The following TNS1 variants were observed in gnomAD, a reference collection of about 807,000 sequenced individuals.
TNS1 encodes tensin 1, also known as tensin-1.
Under a neutral mutation model 168.6 loss-of-function variants are expected in TNS1, and 62 were observed. The ratio of observed to expected loss-of-function variants is 0.37; its 90% CI spans 0.30 to 0.45. The LOEUF (loss-of-function observed/expected upper bound fraction) is 0.45, where lower values mean the gene tolerates loss of function less well. Among genes scored for constraint, TNS1 ranks in the 20% least tolerant of loss-of-function variants. The pLI is 1.00. For synonymous variants in TNS1, 934 were observed against 933.2 expected, an observed-to-expected ratio of 1.00 and a Z score of -0.02; for missense variants, 2,240 against 2,339.4, an observed-to-expected ratio of 0.96 and a Z score of 0.88.
chr2:217,926,098 T>C (rs1164058327), intron 3 of TNS1, among the ~76,000 whole-genome samples: 2 of 152,056 alleles, frequency 1.3e-5, no homozygotes, highest in Non-Finnish European at 2.9e-5. Flanking sequence ...GGCACAGAAA[T>C]ATACCAGGGA....
chr2:217,843,533 A>G (rs578110510), intron 19 of TNS1, among the ~76,000 whole-genome samples: 1 of 152,038 alleles, frequency 6.6e-6, no homozygotes, highest in African/African-American at 2.4e-5. Context: ...TTCTCCACTC[A>G]TCCTCAATCC....
rs1200122497 is a variant in TNS1 at position 217,802,814 on chromosome 2, T to G, written c.*1645A>C. On this transcript the variant is annotated 3_prime_UTR_variant, in exon 33 of 33. Transcript: ENST00000682258. The stretch of plus-strand genomic sequence containing the variant: ...AACCTTTTCTTACATTTTATTAGCT[T>G]ACAGATTCTGTCAGTATGTCTCATG... 1 of 152,706 alleles carries G rather than the reference T, an allele frequency of 6.5e-6. No individual in the cohort carries two copies. The highest frequency in any genetic ancestry group is 1.5e-5 in the Non-Finnish European group (1 of 68,050). 9.5% of individuals were successfully genotyped at this position (152,706 alleles called of 1,614,324 possible). A position where few individuals can be genotyped will look rare whatever the true frequency, so the allele number is the denominator to read the frequency against.
intron 1 of TNS1, among the ~76,000 whole-genome samples, chr2:218,016,974 C>T (rs1037700508): frequency 6.6e-6 from 1 of 152,120 alleles, no homozygotes; most frequent in African/African-American, 2.4e-5. Flanking sequence ...GAGGAGAGAA[C>T]GCAGCTGGCC....
intron 1 of TNS1, among the ~76,000 whole-genome samples, chr2:218,021,617 G>A (rs772802435): frequency 3.3e-5 from 5 of 152,166 alleles, no homozygotes; most frequent in Admixed American, 1.3e-4. Context: ...GGCACCCCAC[G>A]TTCCTCTCTC....
In TNS1 at chr2:217,886,590, G is replaced by A. The variant is rs1390784182; in HGVS notation, c.923C>T (p.Pro308Leu). 6.2e-7 allele frequency: 1 copy of A among 1,605,704 alleles called. No homozygotes were observed. The highest frequency in any genetic ancestry group is 8.5e-7 in the Non-Finnish European group (1 of 1,176,554). ...LSGSIKMNNKPLFLHHVIMHG... is the reference protein window; with the variant it reads ...LSGSIKMNNKLLFLHHVIMHG... ...CATGATCACGTGGTGCAGAAACAAG[G>A]GCTTGTTGTTCATTTTGATGGAGCC... The change falls in exon 13 of 33, where the codon CCC becomes CTC. Residue 308 changes from proline (P) to leucine (L), a missense_variant. Transcript: ENST00000682258.
rs1559323140 is a variant in TNS1 at position 217,897,949 on chromosome 2, G to A, written c.392C>T (p.Thr131Ile). The A allele has an allele frequency of 5.0e-6, 8 of 1,609,252 alleles. No homozygotes were observed. Among genetic ancestry groups the A allele is most frequent in the East Asian group, 2.2e-5 (1 of 44,594 alleles). The part of the protein sequence containing the change: ...QPIRNMSVSR[T>I]MEDSCELDLV... Reference sequence around the variant, plus strand: ...GTCCAGCTCACAGCTGTCCTCCATGGTCCGGCTCACACTCATGTTTCTAGG... The same window carrying A: ...GTCCAGCTCACAGCTGTCCTCCATGATCCGGCTCACACTCATGTTTCTAGG... The change falls in exon 8 of 33, where the codon ACC becomes ATC. Residue 131 changes from threonine (T) to isoleucine (I), a missense_variant. Thr to Ile is a moderately conservative substitution (Grantham distance 89, BLOSUM62 -1). This residue lies in a region of TNS1 where 2,131 missense variants were observed against 2,171.2 expected (regional missense o/e 0.98). Coordinates refer to ENST00000682258, the MANE Select transcript of TNS1 (RefSeq NM_001387777.1).
Position 217,885,727 on chromosome 2 carries a change from C to T in TNS1, c.1116+17G>A. 6.4e-7 allele frequency: 1 copy of T among 1,559,442 alleles called. No homozygotes were observed. The highest frequency in any genetic ancestry group is 8.6e-7 in the Non-Finnish European group (1 of 1,169,038). On this transcript the variant is annotated intron_variant, in intron 15 of 32. Coordinates refer to ENST00000682258, the MANE Select transcript of TNS1 (RefSeq NM_001387777.1). ...AAATAAACAAGGATGGGGCTTGACACAGAGGACAGCACTCACCAAGATGTC... is the reference window on the plus strand; with the variant it reads ...AAATAAACAAGGATGGGGCTTGACATAGAGGACAGCACTCACCAAGATGTC...
At chr2:217,887,009 T>C (rs1028588137) in intron 12 of TNS1, among the ~76,000 whole-genome samples, 1 of 152,118 alleles carries the variant, frequency 6.6e-6, no homozygotes, top group East Asian at 1.9e-4. Context: ...AGGCATCATT[T>C]AGCTGCACAA....
intron 2 of TNS1, among the ~76,000 whole-genome samples, chr2:217,981,661 T>C (rs1414896136): frequency 6.6e-6 from 1 of 152,172 alleles, no homozygotes; most frequent in Non-Finnish European, 1.5e-5. Context: ...GAATGGATAT[T>C]GACACCTGCA....
At chr2:217,846,907 T>TC (rs547090852) in intron 19 of TNS1, among the ~76,000 whole-genome samples, 10 of 152,290 alleles carry the variant, frequency 6.6e-5, no homozygotes, top group Middle Eastern at 3.4e-3. Context: ...AACCTTGGCC[T>TC]CCCCGCCCCA....
Position 217,920,186 on chromosome 2 carries a change from GTCAC to G in TNS1, c.228+5_228+8del. Reference sequence around the variant, plus strand: ...AGGGCTTGCAGGGCAAGGAAGGGCTGTCACTCACCACCAGCTCATGGTTGGATGG... The same window carrying G: ...AGGGCTTGCAGGGCAAGGAAGGGCTGTCACCACCAGCTCATGGTTGGATGG... On this transcript the variant is annotated splice_donor_5th_base_variant and intron_variant, in intron 4 of 32. Transcript: ENST00000682258. 1.4e-6 allele frequency: 1 copy of G among 703,014 alleles called. No homozygotes were observed. The highest frequency in any genetic ancestry group is 2.3e-4 in the Middle Eastern group (1 of 4,370). The allele number at this position is 703,014 out of a possible 1,614,324, so 43.5% of individuals were successfully genotyped here.
chr2:217,807,797 A>C (rs1240699633), intron 32 of TNS1, among the ~76,000 whole-genome samples: 1 of 152,242 alleles, frequency 6.6e-6, no homozygotes, highest in Non-Finnish European at 1.5e-5. Context: ...GCTTCTAATA[A>C]GACTGTTTTC....
Position 218,032,486 on chromosome 2 carries a change from G to T in TNS1, c.156+1334C>A, listed in dbSNP as rs1256043455. ...GCTCAGGCTGTGGTCAAAGAGAGAT[G>T]CTGGGCCTACGGCAGGGCCTGGGGC... On this transcript the variant is annotated intron_variant, in intron 1 of 1. Coordinates refer to the TNS1 transcript ENST00000649572. This position sits in a 1 kb window ranked among gnomAD's most constrained non-coding sequence, Gnocchi z 4.0. Among the ~76,000 whole-genome samples, 1 of 152,184 alleles carries T rather than the reference G, an allele frequency of 6.6e-6. No homozygotes were observed. Among genetic ancestry groups the T allele is most frequent in the Non-Finnish European group, 1.5e-5 (1 of 68,030 alleles).
At chr2:217,978,989 G>A (rs918529993) in intron 2 of TNS1, 187 bp from the exon 3 acceptor site, 1 of 596,058 alleles carries the variant, frequency 1.7e-6, no homozygotes, top group South Asian at 1.9e-5. Flanking sequence ...CCTGCGGGGC[G>A]GGAGTGCCCG....
In TNS1 at chr2:217,848,286, G is replaced by C; in HGVS notation, c.2231C>G (p.Ser744Cys). The change falls in exon 19 of 33, where the codon TCT becomes TGT. Residue 744 changes from serine to cysteine, a missense_variant. Physicochemically the swap from Ser to Cys is moderately radical, Grantham distance 112 (BLOSUM62 -1). Coordinates refer to ENST00000682258, the MANE Select transcript of TNS1 (RefSeq NM_001387777.1). ...GGGTTCAGCTTCCGAAAAGGATTGA[G>C]AGCGGAACATACCGCTGGGGTCATG... ...YAHDPSGMFR[S>C]QSFSEAEPQL... 1 of 1,548,584 alleles carries C rather than the reference G, an allele frequency of 6.5e-7. No homozygotes were observed. The highest frequency in any genetic ancestry group is 1.2e-5 in the South Asian group (1 of 80,024).
rs1951520561 is a variant in TNS1, at chr2:217,889,324, C to A, written c.866+1638G>T. Among the ~76,000 whole-genome samples the A allele has an allele frequency of 2.6e-5, 4 of 152,232 alleles. No individual in the cohort carries two copies. In the South Asian group the frequency reaches 8.3e-4, roughly 31 times the overall value. ...GGAATAGCCCCCAGCTGGGACAGCA[C>A]AGTTCTAGCCAGCCAAGCAAGGTGG... is the stretch of plus-strand genomic sequence containing the variant. On this transcript the variant is annotated intron_variant, in intron 12 of 32. Transcript: ENST00000682258.
intron 7 of TNS1, 111 bp downstream of exon 7, chr2:217,900,352 C>T (rs1436121073): frequency 9.5e-6 from 12 of 1,258,368 alleles, no homozygotes; most frequent in East Asian, 2.5e-5. Context: ...ACTCCCCACC[C>T]GTGGCTTTAT....
intron 18 of TNS1, among the ~76,000 whole-genome samples, chr2:217,871,973 G>A (rs1294848152): frequency 6.6e-6 from 1 of 152,276 alleles, no homozygotes; most frequent in Admixed American, 6.5e-5. Flanking sequence ...ATCATAAAAT[G>A]TTAAGTAGCA....
chr2:217,935,685 C>T (rs771411730), intron 3 of TNS1, among the ~76,000 whole-genome samples: 2 of 152,226 alleles, frequency 1.3e-5, no homozygotes, highest in Non-Finnish European at 2.9e-5. Context: ...CCAAGAAACC[C>T]CTGCTGCCAG....
Sources: gnomAD v4.1 joint callset for allele counts (sites outside exome capture counted in the v4.1 genomes callset) on GRCh38, gnomAD v4.1.1 for gene constraint, gnomAD v4.1.1 regional missense constraint, Gnocchi (gnomAD v3.1) non-coding constraint, MANE v1.5 for transcripts, NCBI Gene and HGNC (gene_info 2026-07-23, HGNC 2026-07-21) for gene names.